The following CTSC variants were observed in gnomAD, a reference collection of about 807,000 sequenced individuals.
CTSC encodes dipeptidyl peptidase 1.
In CTSC, 37 loss-of-function variants were observed where a neutral mutation model predicts 40.9. That is an observed-to-expected ratio of 0.91 (90% CI 0.70 to 1.19). The LOEUF (loss-of-function observed/expected upper bound fraction) is 1.19, where lower values mean the gene tolerates loss of function less well. CTSC is among the 50% of genes most tolerant of loss of function. The pLI is 0.00. For missense variants in CTSC, 594 were observed against 567.3 expected (o/e 1.05, Z -0.48); for synonymous variants, 232 against 207.4 (o/e 1.12, Z -1.02).
chr11:88,307,996 A>T (rs1252984897), intron 4 of CTSC, among the ~76,000 whole-genome samples: 1 of 152,202 alleles, frequency 6.6e-6, no homozygotes, highest in Non-Finnish European at 1.5e-5. Context: ...AACTTGGTAT[A>T]AGAGGATGAA....
intron 3 of CTSC, among the ~76,000 whole-genome samples, chr11:88,310,981 A>G (rs140543350): frequency 6.6e-6 from 1 of 152,302 alleles, no homozygotes; most frequent in East Asian, 1.9e-4. Flanking sequence ...ATAGCATCCT[A>G]CGTCTTAAAT....
chr11:88,308,120 G>C (rs965630524), intron 4 of CTSC, among the ~76,000 whole-genome samples: 2 of 152,210 alleles, frequency 1.3e-5, no homozygotes, highest in African/African-American at 4.8e-5. Context: ...AAAACTATGA[G>C]AGTGAAAGAG....
chr11:88,307,298 A>G (rs1221433850), intron 4 of CTSC, among the ~76,000 whole-genome samples: 1 of 152,208 alleles, frequency 6.6e-6, no homozygotes, highest in Non-Finnish European at 1.5e-5. Context: ...ATGATCCTAA[A>G]GCAAAGTATG....
chr11:88,316,859 G>C (rs1937891663), intron 2 of CTSC, among the ~76,000 whole-genome samples: 1 of 152,164 alleles, frequency 6.6e-6, no homozygotes, highest in Admixed American at 6.5e-5. Context: ...AAGTGCAAAT[G>C]TTCCTCTCCA....
chr11:88,298,720 A>C (rs1336224989), intron 5 of CTSC: 1 of 152,246 alleles, frequency 6.6e-6, no homozygotes, highest in Non-Finnish European at 1.5e-5. Flanking sequence ...TTAATCCATC[A>C]AAGCCCTCTG....
At position 88,309,171 on chromosome 11, in the gene CTSC, T is replaced by G; in HGVS notation, c.633A>C (p.Lys211Asn). Reference protein sequence around the residue: ...MIRRSGGHSRKIPRPKPAPLT... With the variant: ...MIRRSGGHSRNIPRPKPAPLT... ...AATGTGTGCTTGATTACCTTGGGAT[T>G]TTTCGACTGTGGCCACCACTTCTCC... Residue 211 changes from lysine (K) to asparagine (N), a missense_variant, in exon 4 of 7, where the codon AAA becomes AAC. Transcript: ENST00000227266. 2 of 1,613,920 alleles carry G rather than the reference T, an allele frequency of 1.2e-6. No individual in the cohort carries two copies. Among genetic ancestry groups the G allele is most frequent in the Non-Finnish European group, 1.7e-6 (2 of 1,179,874 alleles).
chr11:88,331,597 G>T (rs1464686423), intron 2 of CTSC, among the ~76,000 whole-genome samples: 3 of 152,124 alleles, frequency 2.0e-5, no homozygotes, highest in African/African-American at 7.2e-5. Context: ...TAGCGCTTCA[G>T]AATTCCCTCA....
intron 2 of CTSC, among the ~76,000 whole-genome samples, chr11:88,329,768 C>G (rs1262664610): frequency 6.6e-6 from 1 of 152,084 alleles, no homozygotes; most frequent in Non-Finnish European, 1.5e-5. Flanking sequence ...ACGCTGTCAC[C>G]CAGGATGGAG....
intron 5 of CTSC, 152 bp from the exon 6 acceptor site, chr11:88,296,416 A>G (rs1944299946): frequency 4.4e-6 from 4 of 915,814 alleles, no homozygotes; most frequent in Non-Finnish European, 6.8e-6. Flanking sequence ...ACTAACAAGC[A>G]TTGTTGAGCT....
rs567043198 is a variant in CTSC at position 88,312,377 on chromosome 11, T to C, written c.485+11A>G. ...CAAAACTAAACGTATGTCTCATTTG[T>C]AGCAACTCACTTTTCCTGAGAATTC... On this transcript the variant is annotated intron_variant, in intron 3 of 6. Transcript: ENST00000227266. The C allele has an allele frequency of 2.2e-5, 35 of 1,613,628 alleles. No individual in the cohort carries two copies. The South Asian group carries it at 3.6e-4, about 17-fold the overall frequency.
At chr11:88,336,550 A>AG in intron 1 of CTSC, among the ~76,000 whole-genome samples, 1 of 152,132 alleles carries the variant, frequency 6.6e-6, no homozygotes, top group East Asian at 1.9e-4. Context: ...AAAAAAAAAA[A>AG]AAAAAAAGTT....
intron 4 of CTSC, among the ~76,000 whole-genome samples, chr11:88,305,603 CTT>C (rs1247882039): frequency 1.3e-5 from 2 of 152,172 alleles, no homozygotes; most frequent in Non-Finnish European, 2.9e-5. Flanking sequence ...AGTTAAGAAT[CTT>C]TGAGAGTTTC....
intron 2 of CTSC, among the ~76,000 whole-genome samples, chr11:88,327,342 T>C (rs1938219939): frequency 6.6e-6 from 1 of 152,142 alleles, no homozygotes; most frequent in South Asian, 2.1e-4. Flanking sequence ...CCCAGTTCCC[T>C]TTTTCATATC....
At chr11:88,313,788 T>C (rs1032359236) in intron 2 of CTSC, among the ~76,000 whole-genome samples, 7 of 151,864 alleles carry the variant, frequency 4.6e-5, no homozygotes, top group African/African-American at 1.7e-4. Flanking sequence ...GCCTGTAAAA[T>C]ATGGAAAGTA....
At position 88,337,609 on chromosome 11, in the gene CTSC, C is replaced by G; in HGVS notation, c.64G>C (p.Val22Leu). 2 of 1,580,674 alleles carry G rather than the reference C, an allele frequency of 1.3e-6. No individual in the cohort carries two copies. Among genetic ancestry groups the G allele is most frequent in the Middle Eastern group, 3.3e-4 (2 of 6,026 alleles). Residue 22 changes from valine to leucine, a missense_variant, in exon 1 of 7, where the codon GTG (valine) becomes CTG (leucine). By Grantham distance (32) the Val-to-Leu change is conservative. Transcript: ENST00000227266. ...LLLLLSGDGA[V>L]RCDTPANCTY... ...CAGTTGGCAGGTGTGTCGCAGCGCA[C>G]GGCGCCGTCGCCGGAGAGAAGCAGC...
intron 6 of CTSC, among the ~76,000 whole-genome samples, chr11:88,294,933 A>G (rs1027471231): frequency 6.6e-6 from 1 of 152,128 alleles, no homozygotes; most frequent in African/African-American, 2.4e-5. Flanking sequence ...AAGCAGCCAG[A>G]CCCCACAACT....
chr11:88,294,646 C>T lies in CTSC; in HGVS notation c.890-138G>A. ...TTAGCTTAAGCATCACTTCATTCATCCATCCATTTTCCAACTAGCTAACTA... is the reference window on the plus strand; with the variant it reads ...TTAGCTTAAGCATCACTTCATTCATTCATCCATTTTCCAACTAGCTAACTA... On this transcript the variant is annotated intron_variant, in intron 6 of 6. Transcript: ENST00000227266. 4.2e-6 allele frequency: 4 copies of T among 955,138 alleles called. No individual in the cohort carries two copies. In the South Asian group the frequency reaches 5.8e-5, roughly 14 times the overall value. The allele number at this position is 955,138 out of a possible 1,614,324, so 59.2% of individuals were successfully genotyped here. A position where few individuals can be genotyped will look rare whatever the true frequency, so the allele number is the denominator to read the frequency against.
chr11:88,296,325 C>A (rs1328062998), intron 5 of CTSC, 61 bp from the exon 6 acceptor site: 3 of 1,603,458 alleles, frequency 1.9e-6, no homozygotes, highest in African/African-American at 1.3e-5. Context: ...GAGAATCATG[C>A]AAAAACCTTA....
intron 2 of CTSC, chr11:88,325,796 T>A (rs1406143636): frequency 1.0e-6 from 1 of 985,782 alleles, no homozygotes; most frequent in Non-Finnish European, 1.2e-6. Flanking sequence ...GTCTGACATA[T>A]CTGAGAAAGC....
Sources: allele counts gnomAD v4.1 joint callset (sites outside exome capture counted in the v4.1 genomes callset), GRCh38; gene constraint gnomAD v4.1.1; transcripts MANE v1.5; gene names NCBI Gene and HGNC (gene_info 2026-07-23, HGNC 2026-07-21).